PPP6R2: variants seen among roughly 807,000 people sequenced by gnomAD.
PPP6R2 encodes the protein serine/threonine-protein phosphatase 6 regulatory subunit 2.
Under a neutral mutation model 100.2 loss-of-function variants are expected in PPP6R2, and 62 were observed. That is an observed-to-expected ratio of 0.62 (90% confidence interval 0.50 to 0.76). PPP6R2 has a LOEUF of 0.76. Ranked by LOEUF, PPP6R2 falls within the 30% of genes least tolerant of loss-of-function variation. The pLI is 0.00. For synonymous variants in PPP6R2, 525 were observed against 514.7 expected, an observed-to-expected ratio of 1.02 and a Z score of -0.27; for missense variants, 1,142 against 1,276.3, an observed-to-expected ratio of 0.89 and a Z score of 1.60.
the PPP6R2 span, among the ~76,000 whole-genome samples, chr22:50,337,495 TGTGTGTGCGGTGTGTGGG>T: frequency 1.5e-5 from 2 of 134,616 alleles, no homozygotes; most frequent in Non-Finnish European, 3.2e-5. Context: ...CGATGTGTGG[TGTGTGTGCGGTGTGTGGG>T]GTGTGTGCGT....
chr22:50,388,178 T>TTA (rs201268381), intron 2 of PPP6R2, among the ~76,000 whole-genome samples: 14,066 of 147,874 alleles, frequency 0.095, 853 homozygotes, highest in East Asian at 0.23. Flanking sequence ...TTTTTAGGAT[T>TTA]AAAAAAAAAA....
chr22:50,440,048 CTG>C lies in PPP6R2; in HGVS notation c.2374+2_2374+3del. On this transcript the variant is annotated splice_donor_variant and coding_sequence_variant, in exon 21 of 24. Transcript: ENST00000612753. LOFTEE classifies it high-confidence loss of function. ...GCCGGAGCCAAGGCCCTGAGAAAGCCTGTGAGTAGGAGCAGTGCAGGCGGCAC... is the reference window on the plus strand; with the variant it reads ...GCCGGAGCCAAGGCCCTGAGAAAGCCTGAGTAGGAGCAGTGCAGGCGGCAC... 3 of 1,611,870 alleles carry C rather than the reference CTG, an allele frequency of 1.9e-6. No individual in the cohort carries two copies. The highest frequency in any genetic ancestry group is 2.5e-6 in the Non-Finnish European group (3 of 1,178,910).
At chr22:50,433,480 G>T (rs2063569816) in intron 12 of PPP6R2, among the ~76,000 whole-genome samples, 2 of 82,024 alleles carry the variant, frequency 2.4e-5, no homozygotes, top group Non-Finnish European at 4.9e-5. Context: ...AGGGCTGGGG[G>T]TGCGGACGCT....
chr22:50,337,936 G>GTGGTGTGTTTGTGT, the PPP6R2 span, among the ~76,000 whole-genome samples: 9 of 138,642 alleles, frequency 6.5e-5, no homozygotes, highest in African/African-American at 2.2e-4. Flanking sequence ...TGGGGTGTGT[G>GTGGTGTGTTTGTGT]CATGTGTGTG....
intron 4 of PPP6R2, among the ~76,000 whole-genome samples, 200 bp downstream of exon 4, chr22:50,407,075 G>A (rs546059392): frequency 2.0e-5 from 3 of 152,204 alleles, no homozygotes; most frequent in African/African-American, 4.8e-5. Context: ...GGCTGGGTGC[G>A]GTGGCTCAAG....
chr22:50,410,984 G>A (rs1239564738), intron 4 of PPP6R2, among the ~76,000 whole-genome samples: 3 of 152,084 alleles, frequency 2.0e-5, no homozygotes, highest in Non-Finnish European at 4.4e-5. Flanking sequence ...TAGAGATGGG[G>A]TTTCACCATG....
chr22:50,347,276 C>A (rs953886269), intron 1 of PPP6R2, among the ~76,000 whole-genome samples: 3 of 152,072 alleles, frequency 2.0e-5, no homozygotes, highest in Non-Finnish European at 4.4e-5. Flanking sequence ...CAGTGTCTCC[C>A]CACTGCTTCT....
intron 1 of PPP6R2, among the ~76,000 whole-genome samples, chr22:50,351,026 G>GTTTTTTTTT (rs1195469509): frequency 2.5e-5 from 2 of 80,748 alleles, no homozygotes; most frequent in Non-Finnish European, 4.5e-5. Flanking sequence ...TCTCAACAGT[G>GTTTTTTTTT]TTTTTTTTTT....
At position 50,417,598 on chromosome 22, in the gene PPP6R2, G is replaced by C. The variant is rs569630843; in HGVS notation, c.619-1269G>C. Reference sequence around the variant, plus strand: ...ACTCGTGTCTGAGGCCTTCACCGCTGCCTGGCCAACCACCCTACTTTGTTC... The same window carrying C: ...ACTCGTGTCTGAGGCCTTCACCGCTCCCTGGCCAACCACCCTACTTTGTTC... On this transcript the variant is annotated intron_variant, in intron 6 of 23. Coordinates refer to ENST00000612753, the MANE Select transcript of PPP6R2 (RefSeq NM_001242898.2). 1.7e-3 allele frequency among the ~76,000 whole-genome samples: 257 copies of C among 152,322 alleles called. 1 individual carries two copies. Among genetic ancestry groups the C allele is most frequent in the African/African-American group, 6.0e-3 (249 of 41,568 alleles).
chr22:50,431,058 C>A lies in PPP6R2; in HGVS notation c.1126-115C>A. Reference sequence around the variant, plus strand: ...AAACTCCTTCCTAGCTACCCAGAGACTGGACTTGTGAGGAGTTAGGACGCC... The same window carrying A: ...AAACTCCTTCCTAGCTACCCAGAGAATGGACTTGTGAGGAGTTAGGACGCC... On this transcript the variant is annotated intron_variant, in intron 10 of 23. Coordinates refer to ENST00000612753, the MANE Select transcript of PPP6R2 (RefSeq NM_001242898.2). The surrounding 1 kb of genome is among the most constrained non-coding windows in gnomAD (Gnocchi z 4.8). 3.8e-6 allele frequency: 3 copies of A among 797,696 alleles called. No homozygotes were observed. Among genetic ancestry groups the A allele is most frequent in the Non-Finnish European group, 6.2e-6 (3 of 487,326 alleles). 49.4% of individuals were successfully genotyped at this position (797,696 alleles called of 1,614,324 possible).
upstream of PPP6R2, among the ~76,000 whole-genome samples, chr22:50,341,886 G>A (rs552820700): frequency 4.6e-5 from 7 of 152,228 alleles, no homozygotes; most frequent in Non-Finnish European, 1.0e-4. Flanking sequence ...CCAGCTACTC[G>A]GGAGGCTGAG....
chr22:50,444,251 T>C lies in PPP6R2; in HGVS notation c.*4T>C. 1 of 1,612,376 alleles carries C rather than the reference T, an allele frequency of 6.2e-7. No homozygotes were observed. On this transcript the variant is annotated 3_prime_UTR_variant, in exon 24 of 24. Coordinates refer to ENST00000612753, the MANE Select transcript of PPP6R2 (RefSeq NM_001242898.2). ...TGCCTTAAATGGCCCAGTGTGATGC[T>C]GCTGCCGCCCGGCCACGGCCCACCC...
At position 50,426,768 on chromosome 22, in the gene PPP6R2, A is replaced by C. The variant is rs572561553; in HGVS notation, c.1125+3154A>C. On this transcript the variant is annotated intron_variant, in intron 10 of 23. Transcript: ENST00000612753. ...AGAATCACTTGAACCTGGGAGGCGG[A>C]GGTTGCAGTGAGCCAAGATCACACC... 3.1e-3 allele frequency among the ~76,000 whole-genome samples: 427 copies of C among 139,222 alleles called. 2 individuals carry two copies. The highest frequency in any genetic ancestry group is 0.011 in the African/African-American group (394 of 37,500). 91.3% of individuals were successfully genotyped at this position (139,222 alleles called of 152,430 possible). A position where few individuals can be genotyped will look rare whatever the true frequency, so the allele number is the denominator to read the frequency against.
At chr22:50,378,312 G>C (rs1404866900) in intron 2 of PPP6R2, among the ~76,000 whole-genome samples, 2 of 152,146 alleles carry the variant, frequency 1.3e-5, no homozygotes, top group African/African-American at 4.8e-5. Context: ...TGTAGGCTGG[G>C]TGCGGTGGGT....
chr22:50,443,139 G>A (rs1202766919), intron 22 of PPP6R2: 1 of 151,668 alleles, frequency 6.6e-6, no homozygotes, highest in African/African-American at 2.4e-5. Flanking sequence ...GAGAGAGACT[G>A]ACTGTCGGCA....
chr22:50,419,216 C>T, intron 7 of PPP6R2, 133 bp from the exon 8 acceptor site: 1 of 824,802 alleles, frequency 1.2e-6, no homozygotes, highest in East Asian at 2.7e-5. Flanking sequence ...TCCTGAGAAC[C>T]CTGGCGCCTT....
At chr22:50,417,252 G>T (rs1462394238) in intron 6 of PPP6R2, among the ~76,000 whole-genome samples, 1 of 152,042 alleles carries the variant, frequency 6.6e-6, no homozygotes, top group Admixed American at 6.5e-5. Context: ...CACCACATGG[G>T]CGTCTCCACA....
intron 4 of PPP6R2, among the ~76,000 whole-genome samples, chr22:50,413,146 G>A (rs894523301): frequency 1.3e-5 from 2 of 151,306 alleles, no homozygotes; most frequent in Admixed American, 6.6e-5. Flanking sequence ...TAGTAGAGAC[G>A]GGGTTTCCTC....
At chr22:50,397,535 ATGC>A (rs1490135633) in intron 3 of PPP6R2, among the ~76,000 whole-genome samples, 7 of 127,876 alleles carry the variant, frequency 5.5e-5, no homozygotes, top group Non-Finnish European at 1.1e-4. Context: ...ATGACTTGGG[ATGC>A]TGGGGGGCAG....
Sources: gnomAD v4.1 joint callset for allele counts (sites outside exome capture counted in the v4.1 genomes callset) on GRCh38, gnomAD v4.1.1 for gene constraint, Gnocchi (gnomAD v3.1) non-coding constraint, MANE v1.5 for transcripts, NCBI Gene and HGNC (gene_info 2026-07-23, HGNC 2026-07-21) for gene names.